Variants in TSPAN15 observed in about 807,000 individuals in gnomAD.
TSPAN15 encodes tetraspanin-15.
In TSPAN15, 20 loss-of-function variants were observed where a neutral mutation model predicts 34.5. That is an observed-to-expected ratio of 0.58 (90% confidence interval 0.41 to 0.84). TSPAN15 has a LOEUF of 0.84. Ranked by LOEUF, TSPAN15 falls within the 40% of genes least tolerant of loss-of-function variation. TSPAN15 has a pLI of 0.00. For missense variants in TSPAN15, 313 were observed against 386.1 expected (o/e 0.81, Z 1.59); for synonymous variants, 155 against 153.9 (o/e 1.01, Z -0.05).
chr10:69,486,326 C>T (rs1200646797), intron 3 of TSPAN15, among the ~76,000 whole-genome samples: 1 of 152,240 alleles, frequency 6.6e-6, no homozygotes, highest in Non-Finnish European at 1.5e-5. Context: ...TCTGTGTCCA[C>T]TGCCTGGCCT....
chr10:69,549,263 T>C, the TSPAN15 span, among the ~76,000 whole-genome samples: 327 of 152,336 alleles, frequency 2.1e-3, 1 homozygote, highest in African/African-American at 7.2e-3. Flanking sequence ...TCTACTGTTA[T>C]CATACATGTT....
chr10:69,454,625 T>C (rs1841043993), intron 1 of TSPAN15, among the ~76,000 whole-genome samples: 2 of 152,252 alleles, frequency 1.3e-5, no homozygotes, highest in South Asian at 4.1e-4. Flanking sequence ...GAGACCAGCC[T>C]GGGCAACATG....
At chr10:69,532,041 A>G in the TSPAN15 span, among the ~76,000 whole-genome samples, 1 of 152,228 alleles carries the variant, frequency 6.6e-6, no homozygotes, top group South Asian at 2.1e-4. Context: ...CATAGATGAC[A>G]CAAACAGATG....
chr10:69,542,113 T>C, the TSPAN15 span, among the ~76,000 whole-genome samples: 4 of 152,334 alleles, frequency 2.6e-5, no homozygotes, highest in East Asian at 7.7e-4. Flanking sequence ...AAATTTCTTC[T>C]GCCAGATACC....
chr10:69,504,286 A>G (rs1376730785), intron 5 of TSPAN15, 152 bp from the exon 6 acceptor site: 3 of 601,502 alleles, frequency 5.0e-6, no homozygotes, highest in African/African-American at 3.7e-5. Flanking sequence ...ATGGAGACTC[A>G]AGCCAGACTG....
At chr10:69,512,796 T>C in the TSPAN15 span, among the ~76,000 whole-genome samples, 1 of 152,274 alleles carries the variant, frequency 6.6e-6, no homozygotes. Flanking sequence ...AGCAGCATAC[T>C]GTTGTATGGA....
chr10:69,520,118 A>T, the TSPAN15 span, among the ~76,000 whole-genome samples: 1 of 152,142 alleles, frequency 6.6e-6, no homozygotes, highest in Non-Finnish European at 1.5e-5. Flanking sequence ...ACATTTCCAG[A>T]ATGTTTTCTT....
Position 69,481,146 on chromosome 10 carries a change from A to C in TSPAN15, c.97-2545A>C, listed in dbSNP as rs568315763. The stretch of plus-strand genomic sequence containing the variant: ...GTCTCTGGTTTACCTTTCTCTACCA[A>C]AAAGTAGATATTTTTCATGGTCTTC... On this transcript the variant is annotated intron_variant, in intron 1 of 7. Coordinates refer to ENST00000373290, the MANE Select transcript of TSPAN15 (RefSeq NM_012339.5). Among the ~76,000 whole-genome samples, 3 of 152,262 alleles carry C rather than the reference A, an allele frequency of 2.0e-5. No homozygotes were observed. In the South Asian group the frequency reaches 6.2e-4, roughly 32 times the overall value.
At chr10:69,508,886 G>C (rs1267859937), downstream of TSPAN15, among the ~76,000 whole-genome samples, 2 of 152,184 alleles carry the variant, frequency 1.3e-5, no homozygotes, top group Non-Finnish European at 2.9e-5. Context: ...ATGGTACTAG[G>C]CATGCAAAAC....
intron 1 of TSPAN15, among the ~76,000 whole-genome samples, chr10:69,475,685 T>C (rs568808398): frequency 5.9e-5 from 9 of 151,876 alleles, no homozygotes; most frequent in Non-Finnish European, 1.2e-4. Flanking sequence ...CCTGTGGGAG[T>C]CTTAAATCAA....
At chr10:69,456,295 C>G (rs1477661819) in intron 1 of TSPAN15, among the ~76,000 whole-genome samples, 1 of 152,116 alleles carries the variant, frequency 6.6e-6, no homozygotes, top group Non-Finnish European at 1.5e-5. Context: ...ACCATGTTGA[C>G]CAGACTGTCT....
intron 1 of TSPAN15, among the ~76,000 whole-genome samples, chr10:69,454,655 A>G (rs945668182): frequency 2.6e-5 from 4 of 152,112 alleles, no homozygotes; most frequent in African/African-American, 7.2e-5. Context: ...TGTCTCTACT[A>G]AAAATACAAA....
chr10:69,462,413 C>G (rs1031098941), intron 1 of TSPAN15, among the ~76,000 whole-genome samples: 1 of 152,040 alleles, frequency 6.6e-6, no homozygotes, highest in Non-Finnish European at 1.5e-5. Context: ...CGGCTCACTG[C>G]AAACTCCGCC....
chr10:69,457,822 C>T (rs1404217635), intron 1 of TSPAN15, among the ~76,000 whole-genome samples: 1 of 152,208 alleles, frequency 6.6e-6, no homozygotes, highest in African/African-American at 2.4e-5. Flanking sequence ...TGGATTAATA[C>T]ATCTGAAGAG....
the TSPAN15 span, among the ~76,000 whole-genome samples, chr10:69,545,709 C>T: frequency 6.6e-6 from 1 of 152,196 alleles, no homozygotes; most frequent in Middle Eastern, 3.2e-3. Context: ...GTGATCCCAG[C>T]ACTTTGGGAG....
intron 2 of TSPAN15, among the ~76,000 whole-genome samples, chr10:69,484,834 C>G (rs575939601): frequency 6.6e-6 from 1 of 152,308 alleles, no homozygotes; most frequent in African/African-American, 2.4e-5. Context: ...AGGCCCAGCT[C>G]TCCTTATGGT....
chr10:69,472,983 T>C (rs144499517), intron 1 of TSPAN15, among the ~76,000 whole-genome samples: 2 of 152,230 alleles, frequency 1.3e-5, no homozygotes, highest in South Asian at 2.1e-4. Flanking sequence ...CTAGCCACCA[T>C]GTCCTGTATG....
downstream of TSPAN15, among the ~76,000 whole-genome samples, chr10:69,508,154 T>C (rs1393500093): frequency 6.6e-6 from 1 of 151,944 alleles, no homozygotes; most frequent in Non-Finnish European, 1.5e-5. Context: ...AGAAATAAAG[T>C]AGCAAGAGGC....
At chr10:69,508,904 G>C (rs1842386720), downstream of TSPAN15, among the ~76,000 whole-genome samples, 1 of 152,228 alleles carries the variant, frequency 6.6e-6, no homozygotes, top group South Asian at 2.1e-4. Context: ...AACCAGTGGA[G>C]GCTGCAGCTG....
Sources: gnomAD v4.1 joint callset for allele counts (sites outside exome capture counted in the v4.1 genomes callset) on GRCh38, gnomAD v4.1.1 for gene constraint, MANE v1.5 for transcripts, NCBI Gene and HGNC (gene_info 2026-07-23, HGNC 2026-07-21) for gene names.